The following ABI3BP variants were observed in gnomAD, a reference collection of about 807,000 sequenced individuals.
ABI3BP encodes ABI family member 3 binding protein.
Under a neutral mutation model 268.6 loss-of-function variants are expected in ABI3BP, and 216 were observed. The ratio of observed to expected loss-of-function variants is 0.80; its 90% confidence interval spans 0.72 to 0.90. The LOEUF is 0.90. Ranked by LOEUF, ABI3BP falls within the 40% of genes least tolerant of loss-of-function variation. The pLI is 0.00. For synonymous variants in ABI3BP, 730 were observed against 730.0 expected (o/e 1.00, Z 0.00); for missense variants, 2,090 against 2,182.4 (o/e 0.96, Z 0.84).
At chr3:100,856,281 C>A (rs1243871746) in intron 14 of ABI3BP, among the ~76,000 whole-genome samples, 1 of 152,202 alleles carries the variant, frequency 6.6e-6, no homozygotes, top group African/African-American at 2.4e-5. Context: ...ATGACTGCAG[C>A]TTTCAAGCCT....
intron 1 of ABI3BP, among the ~76,000 whole-genome samples, chr3:100,934,939 CTGA>C: frequency 6.6e-6 from 1 of 152,292 alleles, no homozygotes; most frequent in South Asian, 2.1e-4. Context: ...CCTGTTCACT[CTGA>C]TGATAGTTTC....
intron 23 of ABI3BP, 91 bp downstream of exon 23, chr3:100,839,981 C>T: frequency 1.8e-6 from 2 of 1,090,114 alleles, no homozygotes; most frequent in Non-Finnish European, 2.7e-6. Context: ...CCACTGGTTC[C>T]TAAAGCCCAG....
chr3:100,867,875 T>C (rs2099070214), intron 9 of ABI3BP, among the ~76,000 whole-genome samples: 1 of 152,168 alleles, frequency 6.6e-6, no homozygotes, highest in Non-Finnish European at 1.5e-5. Context: ...TTTTCCATTT[T>C]TCCTCTTTAT....
chr3:100,971,199 T>G (rs545370128), intron 1 of ABI3BP, among the ~76,000 whole-genome samples: 4 of 152,122 alleles, frequency 2.6e-5, no homozygotes, highest in Non-Finnish European at 5.9e-5. Flanking sequence ...CAGGACCCAG[T>G]TGACATTTAA....
At chr3:100,817,827 T>G (rs1003101093) in intron 41 of ABI3BP, among the ~76,000 whole-genome samples, 1 of 152,218 alleles carries the variant, frequency 6.6e-6, no homozygotes, top group Non-Finnish European at 1.5e-5. Flanking sequence ...TCAGTCTACT[T>G]GCACTTCTAT....
At chr3:100,760,513 T>A (rs74755961) in intron 63 of ABI3BP, among the ~76,000 whole-genome samples, 9,211 of 152,080 alleles carry the variant, frequency 0.061, 407 homozygotes, top group Non-Finnish European at 0.084. Flanking sequence ...CAAAAAAAAA[T>A]GTTTACTGGG....
chr3:100,973,725 GC>G (rs1562206575), intron 1 of ABI3BP, among the ~76,000 whole-genome samples: 1 of 152,124 alleles, frequency 6.6e-6, no homozygotes, highest in East Asian at 1.9e-4. Flanking sequence ...GACTCTTGAA[GC>G]CTCAAATGGC....
At chr3:100,834,584 C>T (rs1172280787) in intron 29 of ABI3BP, 100 bp downstream of exon 29, 33 of 1,135,520 alleles carry the variant, frequency 2.9e-5, no homozygotes, top group Non-Finnish European at 4.1e-5. Flanking sequence ...TGGGCCTTCA[C>T]CCCAAGGGTC....
intron 11 of ABI3BP, 87 bp from the exon 12 acceptor site, chr3:100,864,163 T>C: frequency 1.2e-6 from 1 of 847,688 alleles, no homozygotes; most frequent in Non-Finnish European, 1.9e-6. Context: ...GCAAGCTTTG[T>C]AACAGACTCT....
intron 1 of ABI3BP, among the ~76,000 whole-genome samples, chr3:100,947,203 G>C (rs1211947087): frequency 6.6e-6 from 1 of 152,040 alleles, no homozygotes. Flanking sequence ...TAACATCTCT[G>C]ATGGTTTGCT....
intron 1 of ABI3BP, among the ~76,000 whole-genome samples, chr3:100,941,022 A>G (rs773375323): frequency 2.0e-5 from 3 of 150,988 alleles, no homozygotes; most frequent in Non-Finnish European, 4.4e-5. Flanking sequence ...TATAAATCTA[A>G]AGAATAATTA....
intron 2 of ABI3BP, among the ~76,000 whole-genome samples, chr3:100,924,739 C>A (rs2061329140): frequency 6.6e-6 from 1 of 152,090 alleles, no homozygotes; most frequent in Non-Finnish European, 1.5e-5. Context: ...GCAACAAATT[C>A]TCTTCAGTTT....
rs78106767 is a variant in ABI3BP, at chr3:100,863,698, T to C, written c.1138+304A>G. 1.2e-3 allele frequency: 334 copies of C among 289,358 alleles called. 7 individuals carry two copies. In the East Asian group the frequency reaches 0.023, roughly 20 times the overall value. 17.9% of individuals were successfully genotyped at this position (289,358 alleles called of 1,614,324 possible). On this transcript the variant is annotated intron_variant, in intron 12 of 67. Transcript: ENST00000471714. ...AGAAATATCATAAATATATCTTCTC[T>C]GTTAAGAGAGACAATAGAGTAAACA...
At chr3:100,919,308 CTA>C (rs762594250) in intron 2 of ABI3BP, among the ~76,000 whole-genome samples, 1 of 152,056 alleles carries the variant, frequency 6.6e-6, no homozygotes, top group Non-Finnish European at 1.5e-5. Context: ...GTATCAATCT[CTA>C]TTATTTTATA....
At chr3:100,956,696 G>A (rs1392464267) in intron 1 of ABI3BP, among the ~76,000 whole-genome samples, 1 of 152,190 alleles carries the variant, frequency 6.6e-6, no homozygotes, top group African/African-American at 2.4e-5. Flanking sequence ...CAAGGAAACA[G>A]GAAGAGTCAA....
chr3:100,910,068 A>G (rs529890056), intron 2 of ABI3BP, among the ~76,000 whole-genome samples: 51 of 152,336 alleles, frequency 3.3e-4, no homozygotes, highest in African/African-American at 1.2e-3. Context: ...GCACATATAC[A>G]CTATGCAGCC....
intron 12 of ABI3BP, chr3:100,863,506 G>A (rs1295945868): frequency 6.4e-6 from 1 of 156,972 alleles, no homozygotes; most frequent in African/African-American, 2.4e-5. Flanking sequence ...AATAGAGACG[G>A]GGTTTCACCA....
At chr3:100,793,638 T>G (rs2097261369) in intron 54 of ABI3BP, among the ~76,000 whole-genome samples, 1 of 152,034 alleles carries the variant, frequency 6.6e-6, no homozygotes, top group Admixed American at 6.6e-5. Flanking sequence ...AGATGAATAT[T>G]TGATTAGAAT....
chr3:100,894,955 A>AAAAAAAAAAAAAAG (rs2046792687), intron 4 of ABI3BP, among the ~76,000 whole-genome samples: 1 of 143,606 alleles, frequency 7.0e-6, no homozygotes, highest in African/African-American at 2.5e-5. Flanking sequence ...AAAAAAAAAA[A>AAAAAAAAAAAAAAG]AAAAAAAAAA....
Sources: gnomAD v4.1 joint callset for allele counts (sites outside exome capture counted in the v4.1 genomes callset) on GRCh38, gnomAD v4.1.1 for gene constraint, MANE v1.5 for transcripts, NCBI Gene and HGNC (gene_info 2026-07-23, HGNC 2026-07-21) for gene names.